NOL9: variants seen among roughly 807,000 people sequenced by gnomAD.
NOL9 encodes the protein polynucleotide 5'-hydroxyl-kinase NOL9.
In NOL9, 28 loss-of-function variants were observed where a neutral mutation model predicts 67.9. That is an observed-to-expected ratio of 0.41 (90% CI 0.31 to 0.57). NOL9 has a LOEUF of 0.57. Ranked by LOEUF, NOL9 falls within the 20% of genes least tolerant of loss-of-function variation. The pLI is 0.25. For synonymous variants in NOL9, 356 were observed against 352.2 expected (o/e 1.01, Z -0.12); for missense variants, 777 against 897.0 (o/e 0.87, Z 1.71).
At position 6,531,975 on chromosome 1, in the gene NOL9, G is replaced by T. The variant is rs767965677; in HGVS notation, c.1640C>A (p.Pro547His). The part of the protein sequence containing the change: ...KPLSPLHSLT[P>H]YQVPFNAVAL... Reference sequence around the variant, plus strand: ...CCTGTAAGTTCAGATTACCTGATAGGGTGTCAGGCTATGTAAAGGAGAAAG... The same window carrying T: ...CCTGTAAGTTCAGATTACCTGATAGTGTGTCAGGCTATGTAAAGGAGAAAG... Residue 547 changes from proline to histidine, a missense_variant, in exon 9 of 12, where the codon CCC (proline) becomes CAC (histidine). Around this residue, in one of 2 missense-constraint regions of NOL9, gnomAD observed 413 missense variants for 552.6 expected, o/e 0.75. Coordinates refer to ENST00000377705, the MANE Select transcript of NOL9 (RefSeq NM_024654.5). The T allele has an allele frequency of 1.2e-6, 2 of 1,610,652 alleles. No homozygotes were observed. The highest frequency in any genetic ancestry group is 1.7e-6 in the Non-Finnish European group (2 of 1,176,756).
chr1:6,529,251 T>C, intron 9 of NOL9, 80 bp from the exon 10 acceptor site: 1 of 1,298,946 alleles, frequency 7.7e-7, no homozygotes, highest in Non-Finnish European at 1.1e-6. Flanking sequence ...ATTAACCAGC[T>C]ATCTAAAGAT....
Position 6,522,134 on chromosome 1 carries a change from A to C in NOL9, c.*3720T>G, listed in dbSNP as rs995324827. The C allele has an allele frequency of 6.6e-6, 1 of 152,082 alleles. No homozygotes were observed. The highest frequency in any genetic ancestry group is 1.5e-5 in the Non-Finnish European group (1 of 68,024). The allele number at this position is 152,082 out of a possible 1,614,324, so 9.4% of individuals were successfully genotyped here. On this transcript the variant is annotated 3_prime_UTR_variant, in exon 12 of 12. Coordinates refer to ENST00000377705, the MANE Select transcript of NOL9 (RefSeq NM_024654.5). ...GCCAAGGTGGACGGATCACGAGGTC[A>C]GGAGCTCGAGACCAGCCTAGCCAAC...
rs1230466524 is a variant in NOL9 at position 6,521,976 on chromosome 1, G to A, written c.*3878C>T. On this transcript the variant is annotated 3_prime_UTR_variant, in exon 12 of 12. Coordinates refer to ENST00000377705, the MANE Select transcript of NOL9 (RefSeq NM_024654.5). The stretch of plus-strand genomic sequence containing the variant: ...CAAGTTACACCACTGACAAGTGGTA[G>A]AGCCAGGATTTGAACTCAGAGCTCT... 6.6e-6 allele frequency: 1 copy of A among 152,226 alleles called. No individual in the cohort carries two copies. The highest frequency in any genetic ancestry group is 2.4e-5 in the African/African-American group (1 of 41,450). The allele number at this position is 152,226 out of a possible 1,614,324, so 9.4% of individuals were successfully genotyped here. A position where few individuals can be genotyped will look rare whatever the true frequency, so the allele number is the denominator to read the frequency against.
Position 6,544,930 on chromosome 1 carries a change from G to A in NOL9, c.881-8C>T. 6.2e-7 allele frequency: 1 copy of A among 1,614,142 alleles called. No individual in the cohort carries two copies. The highest frequency in any genetic ancestry group is 1.1e-5 in the South Asian group (1 of 91,086). On this transcript the variant is annotated splice_region_variant and splice_polypyrimidine_tract_variant and intron_variant, in intron 4 of 11. Transcript: ENST00000377705. ...GGCAGCCATCTACTTCTTCTGAATG[G>A]GAAACAAACATTGATCGCTAGAATT...
intron 6 of NOL9, among the ~76,000 whole-genome samples, chr1:6,537,012 C>G (rs1639170555): frequency 1.3e-5 from 2 of 151,554 alleles, no homozygotes; most frequent in African/African-American, 4.9e-5. Context: ...CACTGTCTCT[C>G]TCAAAAACCA....
intron 10 of NOL9, among the ~76,000 whole-genome samples, chr1:6,527,172 G>A (rs562161781): frequency 2.7e-4 from 41 of 152,004 alleles, no homozygotes; most frequent in Non-Finnish European, 3.4e-4. Context: ...GCTTGAACCC[G>A]GGAGGTGGAG....
intron 1 of NOL9, among the ~76,000 whole-genome samples, chr1:6,552,644 C>T (rs1189130826): frequency 2.0e-5 from 3 of 151,758 alleles, no homozygotes; most frequent in Non-Finnish European, 4.4e-5. Flanking sequence ...GGATTACAGG[C>T]GTGAGCCACT....
At chr1:6,534,783 G>GTCTC (rs748313094) in intron 6 of NOL9, among the ~76,000 whole-genome samples, 1 of 152,016 alleles carries the variant, frequency 6.6e-6, no homozygotes, top group Non-Finnish European at 1.5e-5. Flanking sequence ...ATGGCTCTCT[G>GTCTC]TCTCTCTCTC....
intron 1 of NOL9, among the ~76,000 whole-genome samples, chr1:6,551,418 C>A (rs1004669301): frequency 6.7e-6 from 1 of 149,486 alleles, no homozygotes; most frequent in Non-Finnish European, 1.5e-5. Flanking sequence ...CCCCCCTGCA[C>A]CCCACCCCCG....
In NOL9 at chr1:6,525,046, T is replaced by C. The variant is rs1480068881; in HGVS notation, c.*808A>G. The C allele has an allele frequency of 6.6e-6, 1 of 151,976 alleles. No homozygotes were observed. Among genetic ancestry groups the C allele is most frequent in the Non-Finnish European group, 1.5e-5 (1 of 67,988 alleles). 9.4% of individuals were successfully genotyped at this position (151,976 alleles called of 1,614,324 possible). On this transcript the variant is annotated 3_prime_UTR_variant, in exon 12 of 12. Transcript: ENST00000377705. ...GAGCCACTGCGCCTGGCCCCGAGGT[T>C]TTCCAGATTTGAAAGAAATTTCCTC... is the stretch of plus-strand genomic sequence containing the variant.
rs1234064049 is a variant in NOL9, at chr1:6,522,684, G to C, written c.*3170C>G. On this transcript the variant is annotated 3_prime_UTR_variant, in exon 12 of 12. Coordinates refer to ENST00000377705, the MANE Select transcript of NOL9 (RefSeq NM_024654.5). The stretch of plus-strand genomic sequence containing the variant: ...GCGGATCACGAGGTCAGGAGTTCGA[G>C]ACCAGCCTGACCAACATGGTGAAAC... 1 of 151,598 alleles carries C rather than the reference G, an allele frequency of 6.6e-6. No homozygotes were observed. The highest frequency in any genetic ancestry group is 6.6e-5 in the Admixed American group (1 of 15,206). The allele number at this position is 151,598 out of a possible 1,614,324, so 9.4% of individuals were successfully genotyped here.
Position 6,524,606 on chromosome 1 carries a change from C to G in NOL9, c.*1248G>C, listed in dbSNP as rs1325518180. ...GGCAATAATGGAGCTTTCCCAAGAG[C>G]TGGTCTGCCAGTCCTTCTTCCTTCA... On this transcript the variant is annotated 3_prime_UTR_variant, in exon 12 of 12. Coordinates refer to ENST00000377705, the MANE Select transcript of NOL9 (RefSeq NM_024654.5). 1.3e-5 allele frequency: 2 copies of G among 152,224 alleles called. No homozygotes were observed. The highest frequency in any genetic ancestry group is 4.8e-5 in the African/African-American group (2 of 41,458). 9.4% of individuals were successfully genotyped at this position (152,224 alleles called of 1,614,324 possible). A position where few individuals can be genotyped will look rare whatever the true frequency, so the allele number is the denominator to read the frequency against.
intron 6 of NOL9, among the ~76,000 whole-genome samples, chr1:6,534,556 A>G (rs1230818213): frequency 6.6e-6 from 1 of 152,168 alleles, no homozygotes; most frequent in Non-Finnish European, 1.5e-5. Context: ...GCTCCTTTCA[A>G]GGTTGGGGCC....
At position 6,554,218 on chromosome 1, in the gene NOL9, G is replaced by A. The variant is rs1202850087; in HGVS notation, c.285C>T (p.Pro95=). The change falls in exon 1 of 12, where the codon CCC becomes CCT. Residue 95 remains proline, a synonymous_variant. Coordinates refer to ENST00000377705, the MANE Select transcript of NOL9 (RefSeq NM_024654.5). The stretch of plus-strand genomic sequence containing the variant: ...CGGATTCGAGTTCGGGTTCGGACTC[G>A]GGTTCGGAGGCCGGGGTCGGGCTAG... ...PIPSPTPASE[P]ESEPELESAS... 3 of 1,516,554 alleles carry A rather than the reference G, an allele frequency of 2.0e-6. No individual in the cohort carries two copies. The highest frequency in any genetic ancestry group is 2.7e-6 in the Non-Finnish European group (3 of 1,131,588). 93.9% of individuals were successfully genotyped at this position (1,516,554 alleles called of 1,614,324 possible).
chr1:6,534,718 G>A (rs894076230), intron 6 of NOL9, among the ~76,000 whole-genome samples: 2 of 152,174 alleles, frequency 1.3e-5, no homozygotes, highest in Non-Finnish European at 2.9e-5. Context: ...AGTGAAGAAG[G>A]CTAACGAGAG....
chr1:6,526,087 C>G, intron 11 of NOL9, 84 bp from the exon 12 acceptor site: 1 of 1,240,274 alleles, frequency 8.1e-7, no homozygotes, highest in Non-Finnish European at 1.2e-6. Flanking sequence ...ACCTAGAAGG[C>G]AGTGTCATGG....
rs370382234 is a variant in NOL9, at chr1:6,547,711, C to T, written c.744+1860G>A. ...CTCTACAAAAACTACAAAAATTAGC[C>T]GGGAGTCATGGCGTGTACCTGTAAC... On this transcript the variant is annotated intron_variant, in intron 3 of 11. Coordinates refer to ENST00000377705, the MANE Select transcript of NOL9 (RefSeq NM_024654.5). Among the ~76,000 whole-genome samples the T allele has an allele frequency of 8.2e-4, 124 of 151,948 alleles. 1 individual carries two copies. In the South Asian group the frequency reaches 0.024, roughly 30 times the overall value.
chr1:6,529,271 A>G (rs1280547964), intron 9 of NOL9, 100 bp from the exon 10 acceptor site: 2 of 1,066,972 alleles, frequency 1.9e-6, no homozygotes, highest in Non-Finnish European at 2.8e-6. Flanking sequence ...TAGGTCTGCC[A>G]AAGTGCCTAC....
At chr1:6,550,680 A>AAT (rs1639526092) in intron 1 of NOL9, 65 bp from the exon 2 acceptor site, 157 of 1,152,264 alleles carry the variant, frequency 1.4e-4, no homozygotes, top group Non-Finnish European at 1.7e-4. Context: ...AACATTCTAA[A>AAT]ATCTTTTTTT....
Sources: allele counts gnomAD v4.1 joint callset (sites outside exome capture counted in the v4.1 genomes callset), GRCh38; gene constraint gnomAD v4.1.1; regional missense constraint gnomAD v4.1.1; transcripts MANE v1.5; gene names NCBI Gene and HGNC (gene_info 2026-07-23, HGNC 2026-07-21).